Variants in STK3 observed in about 807,000 individuals in gnomAD.
STK3 encodes serine/threonine kinase 3, also known as serine/threonine-protein kinase 3.
A neutral mutation model predicts 58.0 loss-of-function variants in STK3; 41 were observed. The observed-to-expected ratio is 0.71, with a 90% confidence interval of 0.55 to 0.92. The LOEUF (loss-of-function observed/expected upper bound fraction) is 0.92, where lower values mean the gene tolerates loss of function less well. STK3 is among the 40% of genes least tolerant of loss of function. The probability of loss-of-function intolerance (pLI) is 0.00; values close to 1 mark genes in which losing one functional copy is unlikely to be tolerated. For missense variants in STK3, 479 were observed against 602.7 expected (o/e 0.79, Z 2.15); for synonymous variants, 170 against 191.0 (o/e 0.89, Z 0.91).
chr8:98,441,280 T>C (rs540359745), intron 1 of STK3, among the ~76,000 whole-genome samples: 104 of 152,302 alleles, frequency 6.8e-4, no homozygotes, highest in Middle Eastern at 3.4e-3. Flanking sequence ...ACCCGGAGAA[T>C]TGAAAAATGC....
rs182696347 is a variant in STK3, at chr8:98,710,954, G to A, written c.352-3643C>T. Among the ~76,000 whole-genome samples the A allele has an allele frequency of 5.5e-3, 844 of 152,284 alleles. 5 individuals carry two copies. Among genetic ancestry groups the A allele is most frequent in the Non-Finnish European group, 8.9e-3 (606 of 68,018 alleles). ...TCTGAGACAAAACTTCCAGAGGAAC[G>A]ATCAGGCAGCAACATTTGCTGTTCA... On this transcript the variant is annotated intron_variant, in intron 4 of 10. Coordinates refer to ENST00000419617, the MANE Select transcript of STK3 (RefSeq NM_006281.4).
At chr8:98,469,226 G>A (rs1359507744) in intron 10 of STK3, among the ~76,000 whole-genome samples, 1 of 138,680 alleles carries the variant, frequency 7.2e-6, no homozygotes, top group Non-Finnish European at 1.5e-5. Flanking sequence ...TATAATACAC[G>A]AATGGTCCAA....
chr8:98,722,899 A>G, intron 4 of STK3: 1 of 509,096 alleles, frequency 2.0e-6, no homozygotes, highest in Non-Finnish European at 3.9e-6. Flanking sequence ...TTCAGCTCCA[A>G]GATGGAAAAG....
intron 1 of STK3, among the ~76,000 whole-genome samples, chr8:98,778,403 G>T (rs1422117438): frequency 6.6e-6 from 1 of 151,614 alleles, no homozygotes; most frequent in Non-Finnish European, 1.5e-5. Flanking sequence ...AGGATGTGGA[G>T]AAATAGGAAC....
At chr8:98,788,073 C>T (rs1832580371) in intron 1 of STK3, among the ~76,000 whole-genome samples, 3 of 152,006 alleles carry the variant, frequency 2.0e-5, no homozygotes, top group South Asian at 4.1e-4. Context: ...GGCAACAAAT[C>T]GCATAATGAA....
At chr8:98,892,082 A>G (rs1427408704) in intron 1 of STK3, among the ~76,000 whole-genome samples, 1 of 152,184 alleles carries the variant, frequency 6.6e-6, no homozygotes, top group East Asian at 1.9e-4. Flanking sequence ...ACCCAAAAAA[A>G]AATCTATGCT....
intron 2 of STK3, among the ~76,000 whole-genome samples, chr8:98,434,554 C>T (rs1024310547): frequency 6.6e-6 from 1 of 152,244 alleles, no homozygotes; most frequent in African/African-American, 2.4e-5. Context: ...ACATTTTCCT[C>T]CTTCTGGGAC....
chr8:98,647,473 A>G (rs996043759), intron 6 of STK3, among the ~76,000 whole-genome samples: 3 of 152,238 alleles, frequency 2.0e-5, no homozygotes, highest in African/African-American at 7.2e-5. Flanking sequence ...CTGGCAGAGT[A>G]GACACCGAAT....
chr8:98,882,158 T>G (rs536616714), downstream of STK3: 2 of 152,188 alleles, frequency 1.3e-5, no homozygotes, highest in Admixed American at 1.3e-4. Flanking sequence ...TCCTGAAAAA[T>G]TGGGTAGTCA....
intron 6 of STK3, among the ~76,000 whole-genome samples, chr8:98,624,773 G>C (rs1372217612): frequency 1.3e-5 from 2 of 152,068 alleles, no homozygotes; most frequent in Non-Finnish European, 1.5e-5. Context: ...AGAATCACTT[G>C]AACCTGGGAG....
intron 2 of STK3, among the ~76,000 whole-genome samples, chr8:98,770,524 T>C (rs997001387): frequency 6.6e-6 from 1 of 152,176 alleles, no homozygotes; most frequent in African/African-American, 2.4e-5. Context: ...GCCAGTTAAC[T>C]GAAACCTGGA....
the STK3 span, among the ~76,000 whole-genome samples, chr8:98,348,299 A>G: frequency 6.6e-6 from 1 of 152,212 alleles, no homozygotes; most frequent in Non-Finnish European, 1.5e-5. Context: ...CAAAACTATA[A>G]AACTAGAAGA....
intron 1 of STK3, among the ~76,000 whole-genome samples, chr8:98,380,655 G>T (rs1817722852): frequency 1.3e-5 from 2 of 152,130 alleles, no homozygotes; most frequent in African/African-American, 4.8e-5. Context: ...GTTTTCCTCA[G>T]ACCCTCACTA....
intron 10 of STK3, among the ~76,000 whole-genome samples, chr8:98,506,270 G>A (rs901662305): frequency 7.9e-5 from 12 of 152,186 alleles, no homozygotes; most frequent in African/African-American, 2.4e-4. Flanking sequence ...CAGTATTTAG[G>A]TGGAGGCATC....
chr8:98,719,826 A>C (rs566417435), intron 4 of STK3, among the ~76,000 whole-genome samples: 2 of 152,240 alleles, frequency 1.3e-5, no homozygotes, highest in Non-Finnish European at 2.9e-5. Context: ...ATCTGAGGGC[A>C]TAACCTGAAT....
chr8:98,848,769 T>C (rs1836317412), intron 3 of STK3, among the ~76,000 whole-genome samples: 1 of 152,204 alleles, frequency 6.6e-6, no homozygotes, highest in Non-Finnish European at 1.5e-5. Flanking sequence ...CATTTGGTTG[T>C]TTCTTACTCT....
intron 1 of STK3, among the ~76,000 whole-genome samples, chr8:98,939,262 C>G (rs1463576285): frequency 6.6e-6 from 1 of 152,178 alleles, no homozygotes; most frequent in Non-Finnish European, 1.5e-5. Context: ...ATAAATCGCG[C>G]CCGCCCGCGA....
intron 1 of STK3, chr8:98,921,330 G>A (rs1839553017): frequency 6.6e-6 from 1 of 151,840 alleles, no homozygotes; most frequent in South Asian, 2.1e-4. Flanking sequence ...CTTGTCTGGA[G>A]GTTCTAGCAG....
intron 1 of STK3, among the ~76,000 whole-genome samples, chr8:98,819,265 T>C (rs1564031217): frequency 6.6e-6 from 1 of 152,168 alleles, no homozygotes; most frequent in Non-Finnish European, 1.5e-5. Context: ...TGTGTGGGTC[T>C]GTACTGAGTC....
Sources: allele counts gnomAD v4.1 joint callset (sites outside exome capture counted in the v4.1 genomes callset), GRCh38; gene constraint gnomAD v4.1.1; transcripts MANE v1.5; gene names NCBI Gene and HGNC (gene_info 2026-07-23, HGNC 2026-07-21).